CDH23: variants seen among roughly 807,000 people sequenced by gnomAD.
CDH23 encodes the protein cadherin-23.
In CDH23, 189 loss-of-function variants were observed where a neutral mutation model predicts 317.1. That is an observed-to-expected ratio of 0.60 (90% CI 0.53 to 0.67). The LOEUF (loss-of-function observed/expected upper bound fraction) is 0.67, where lower values mean the gene tolerates loss of function less well. CDH23 is among the 30% of genes least tolerant of loss of function. The probability of loss-of-function intolerance (pLI) is 0.00; values close to 1 mark genes in which losing one functional copy is unlikely to be tolerated. For missense variants in CDH23, 4,401 were observed against 4,592.4 expected, an observed-to-expected ratio of 0.96 and a Z score of 1.20; for synonymous variants, 1,839 against 1,876.8, an observed-to-expected ratio of 0.98 and a Z score of 0.52.
Position 71,716,225 on chromosome 10 carries a change from A to G in CDH23, c.3369+3412A>G, listed in dbSNP as rs542549586. ...GAAGATGCAGGCCAGGGCGATGAGC[A>G]TGGGGAGGGGGTCAGTTGCCTCTGC... On this transcript the variant is annotated intron_variant, in intron 28 of 69. Transcript: ENST00000224721. 65 of 1,550,774 alleles carry G rather than the reference A, an allele frequency of 4.2e-5. No individual in the cohort carries two copies. In the Admixed American group the frequency reaches 6.3e-4, roughly 15 times the overall value.
rs150708569 is a variant in CDH23 at position 71,478,023 on chromosome 10, G to A, written c.145+31628G>A. ...ATGAGAATTGGCACATAAGATAAAA[G>A]TGATTTGCTATTTATGGCCTAGGTT... is the stretch of plus-strand genomic sequence containing the variant. On this transcript the variant is annotated intron_variant, in intron 3 of 69. Coordinates refer to ENST00000224721, the MANE Select transcript of CDH23 (RefSeq NM_022124.6). 3.0e-3 allele frequency among the ~76,000 whole-genome samples: 453 copies of A among 152,298 alleles called. 4 individuals are homozygous for A. Among genetic ancestry groups the A allele is most frequent in the African/African-American group, 0.01 (426 of 41,554 alleles).
chr10:71,593,601 C>T (rs1281126110), intron 9 of CDH23, among the ~76,000 whole-genome samples: 2 of 151,994 alleles, frequency 1.3e-5, no homozygotes, highest in African/African-American at 2.4e-5. Flanking sequence ...TCCTGCAGAT[C>T]GAGAGGAAAA....
chr10:71,532,471 G>A (rs1480057648), intron 6 of CDH23, among the ~76,000 whole-genome samples: 1 of 152,124 alleles, frequency 6.6e-6, no homozygotes, highest in African/African-American at 2.4e-5. Flanking sequence ...AACTTGGAGA[G>A]GTGAGTTAAC....
At chr10:71,773,060 T>G (rs534645600) in intron 38 of CDH23, among the ~76,000 whole-genome samples, 1 of 152,288 alleles carries the variant, frequency 6.6e-6, no homozygotes, top group Non-Finnish European at 1.5e-5. Flanking sequence ...AAGCTACCTG[T>G]GCCCTGGGTT....
chr10:71,515,147 G>A lies in CDH23; in HGVS notation c.429+3935G>A, dbSNP rs76160491. On this transcript the variant is annotated intron_variant, in intron 6 of 69. Coordinates refer to ENST00000224721, the MANE Select transcript of CDH23 (RefSeq NM_022124.6). ...GTGCCAGATGGCTCACTGGGTCAGG[G>A]AATCTGGAGGACCTGCTGGAGTCTC... Among the ~76,000 whole-genome samples, 385 of 152,322 alleles carry A rather than the reference G, an allele frequency of 2.5e-3. 2 individuals carry two copies. Among genetic ancestry groups the A allele is most frequent in the African/African-American group, 9.0e-3 (374 of 41,574 alleles).
chr10:71,403,857 A>G (rs1847972437), intron 1 of CDH23, among the ~76,000 whole-genome samples: 1 of 149,092 alleles, frequency 6.7e-6, no homozygotes, highest in African/African-American at 2.5e-5. Flanking sequence ...TGGGAGGCCG[A>G]GGTGGGTGGA....
intron 9 of CDH23, among the ~76,000 whole-genome samples, chr10:71,614,762 C>G (rs1437651310): frequency 6.6e-6 from 1 of 151,880 alleles, no homozygotes; most frequent in Non-Finnish European, 1.5e-5. Context: ...GATGAGGAGG[C>G]AGGAAAGAGC....
At chr10:71,790,532 T>G in intron 46 of CDH23, 119 bp downstream of exon 46, 1 of 1,320,714 alleles carries the variant, frequency 7.6e-7, no homozygotes. Flanking sequence ...GAGACCCCAT[T>G]TTTCACAGCC....
intron 9 of CDH23, among the ~76,000 whole-genome samples, chr10:71,600,831 A>C (rs1326064810): frequency 6.6e-6 from 1 of 152,158 alleles, no homozygotes; most frequent in Non-Finnish European, 1.5e-5. Context: ...CAGAGCTTTT[A>C]AAAGTTGACC....
chr10:71,591,091 G>A (rs1026181942), intron 9 of CDH23, among the ~76,000 whole-genome samples: 3 of 151,904 alleles, frequency 2.0e-5, no homozygotes, highest in Admixed American at 6.6e-5. Context: ...AGAGGTAAAC[G>A]TATGAGAAAT....
chr10:71,811,081 C>CAAAAAA (rs35466313), intron 62 of CDH23, among the ~76,000 whole-genome samples: 20 of 67,044 alleles, frequency 3.0e-4, no homozygotes, highest in Admixed American at 1.3e-3. Context: ...GACTCCATCT[C>CAAAAAA]AAAAAAAAAA....
At chr10:71,532,891 G>A (rs1226960173) in intron 6 of CDH23, among the ~76,000 whole-genome samples, 3 of 151,892 alleles carry the variant, frequency 2.0e-5, no homozygotes, top group South Asian at 2.1e-4. Flanking sequence ...CACCATGCCT[G>A]GCTAATTTTT....
At chr10:71,494,075 T>G (rs958257415) in intron 3 of CDH23, among the ~76,000 whole-genome samples, 7 of 152,188 alleles carry the variant, frequency 4.6e-5, no homozygotes, top group African/African-American at 1.7e-4. Flanking sequence ...TTCCCTTTTG[T>G]GAGCAGCAGA....
At chr10:71,814,824 A>G (rs1842073012) in intron 69 of CDH23, 128 bp from the exon 70 acceptor site, 2 of 1,092,760 alleles carry the variant, frequency 1.8e-6, no homozygotes, top group South Asian at 1.7e-5. Flanking sequence ...TTTGAGAAAC[A>G]GAGTCTGACA....
At position 71,694,259 on chromosome 10, in the gene CDH23, C is replaced by T. The variant is rs770008354; in HGVS notation, c.2289C>T (p.Thr763=). 61 of 1,608,840 alleles carry T rather than the reference C, an allele frequency of 3.8e-5. No homozygotes were observed. Among genetic ancestry groups the T allele is most frequent in the African/African-American group, 2.5e-4 (19 of 74,826 alleles). Residue 763 remains threonine (T), a splice_region_variant and synonymous_variant, in exon 21 of 70, where the codon ACC becomes ACT. Coordinates refer to ENST00000224721, the MANE Select transcript of CDH23 (RefSeq NM_022124.6). The stretch of plus-strand genomic sequence containing the variant: ...ACAACCAGAAAACTGGCATCGCCAC[C>T]GTGAGTGCGCTCCCCTCCCGTGCCC... ...VGHNQKTGIA[T]VNITLLDIND... is the part of the protein sequence containing the mutation.
intron 11 of CDH23, among the ~76,000 whole-genome samples, chr10:71,636,142 A>G (rs950215263): frequency 6.6e-6 from 1 of 152,130 alleles, no homozygotes; most frequent in Non-Finnish European, 1.5e-5. Flanking sequence ...AAGGAGTCAC[A>G]AGAGGAGGCG....
intron 1 of CDH23, among the ~76,000 whole-genome samples, chr10:71,407,462 T>C (rs994227102): frequency 4.6e-5 from 7 of 152,224 alleles, no homozygotes; most frequent in African/African-American, 1.7e-4. Flanking sequence ...TGGATGGTTT[T>C]CTACCCTGAG....
In CDH23 at chr10:71,453,382, G is replaced by A. The variant is rs570481060; in HGVS notation, c.145+6987G>A. The stretch of plus-strand genomic sequence containing the variant: ...CGGCAGTCTCTGCAGACGGAGGAGC[G>A]GTGCGCCTGCAAGCAGGCCGGCAAC... On this transcript the variant is annotated intron_variant, in intron 3 of 69. Transcript: ENST00000224721. Among the ~76,000 whole-genome samples the A allele has an allele frequency of 2.4e-4, 37 of 152,358 alleles. 1 individual carries two copies. In the South Asian group the frequency reaches 4.1e-3, roughly 17 times the overall value.
At chr10:71,669,673 C>T (rs1026288850) in intron 14 of CDH23, among the ~76,000 whole-genome samples, 1 of 152,180 alleles carries the variant, frequency 6.6e-6, no homozygotes. Flanking sequence ...GCCTTGATCT[C>T]TTGATCTCAG....
Sources: allele counts gnomAD v4.1 joint callset (sites outside exome capture counted in the v4.1 genomes callset), GRCh38; gene constraint gnomAD v4.1.1; transcripts MANE v1.5; gene names NCBI Gene and HGNC (gene_info 2026-07-23, HGNC 2026-07-21).